VAMP4: variants seen among roughly 807,000 people sequenced by gnomAD.
VAMP4 encodes vesicle-associated membrane protein 4.
VAMP4 carries 19 observed loss-of-function variants against 23.5 expected under a neutral mutation model. The ratio of observed to expected loss-of-function variants is 0.81; its 90% CI spans 0.56 to 1.19. VAMP4 has a LOEUF of 1.19. Ranked by LOEUF, VAMP4 falls within the 50% of genes most tolerant of loss-of-function variation. VAMP4 has a pLI of 0.00. For synonymous variants in VAMP4, 31 were observed against 51.0 expected (o/e 0.61, Z 1.67); for missense variants, 145 against 168.6 (o/e 0.86, Z 0.78).
At chr1:171,740,168 G>C (rs556037703) in intron 1 of VAMP4, among the ~76,000 whole-genome samples, 1 of 152,288 alleles carries the variant, frequency 6.6e-6, no homozygotes, top group Admixed American at 6.5e-5. Flanking sequence ...AAACAGCAGA[G>C]ATACAGGCCT....
intron 2 of VAMP4, among the ~76,000 whole-genome samples, chr1:171,733,195 C>T (rs1047776234): frequency 1.3e-5 from 2 of 150,740 alleles, no homozygotes; most frequent in African/African-American, 2.4e-5. Context: ...TGGTGGCTCA[C>T]GCCTGTAACC....
intron 3 of VAMP4, among the ~76,000 whole-genome samples, chr1:171,720,867 T>C (rs931782277): frequency 6.6e-6 from 1 of 152,044 alleles, no homozygotes; most frequent in Non-Finnish European, 1.5e-5. Context: ...AAGACATAAC[T>C]ATCAACCAAC....
intron 4 of VAMP4, 106 bp downstream of exon 4, chr1:171,719,065 T>C (rs1655105560): frequency 7.4e-6 from 7 of 940,170 alleles, no homozygotes; most frequent in South Asian, 1.7e-5. Flanking sequence ...TAAAACTTTA[T>C]TTACAAAAAC....
intron 4 of VAMP4, among the ~76,000 whole-genome samples, chr1:171,716,272 T>A (rs1558108633): frequency 6.6e-6 from 1 of 152,192 alleles, no homozygotes; most frequent in Non-Finnish European, 1.5e-5. Flanking sequence ...TACAGTGGCA[T>A]TTATAATGCT....
chr1:171,707,071 G>T (rs1654680413), intron 6 of VAMP4, among the ~76,000 whole-genome samples: 1 of 152,036 alleles, frequency 6.6e-6, no homozygotes, highest in African/African-American at 2.4e-5. Context: ...CTAACACTGG[G>T]CAGAAAATGT....
chr1:171,714,199 G>T (rs1654954035), intron 4 of VAMP4, among the ~76,000 whole-genome samples: 1 of 152,056 alleles, frequency 6.6e-6, no homozygotes, highest in Non-Finnish European at 1.5e-5. Flanking sequence ...AAAATGATCT[G>T]CTTATTTACT....
chr1:171,716,286 G>C (rs1007874332), intron 4 of VAMP4, among the ~76,000 whole-genome samples: 2 of 152,058 alleles, frequency 1.3e-5, no homozygotes, highest in Non-Finnish European at 2.9e-5. Context: ...TAATGCTATT[G>C]TTTAATTTAA....
intron 4 of VAMP4, among the ~76,000 whole-genome samples, chr1:171,711,582 C>A (rs1414209187): frequency 6.6e-6 from 1 of 152,072 alleles, no homozygotes; most frequent in African/African-American, 2.4e-5. Flanking sequence ...TAATAACTGT[C>A]CTCAGCTATC....
intron 7 of VAMP4, among the ~76,000 whole-genome samples, chr1:171,705,814 G>C (rs1233551962): frequency 6.6e-6 from 1 of 151,996 alleles, no homozygotes; most frequent in African/African-American, 2.4e-5. Flanking sequence ...TATTTAAAAT[G>C]ATCTGATTTT....
rs11370834 is a variant in VAMP4 at position 171,731,048 on chromosome 1, C to CAAA, written c.67-2481_67-2479dup. 1.9e-3 allele frequency among the ~76,000 whole-genome samples: 273 copies of CAAA among 147,046 alleles called. 3 individuals are homozygous for CAAA. Among genetic ancestry groups the CAAA allele is most frequent in the African/African-American group, 5.6e-3 (220 of 39,526 alleles). On this transcript the variant is annotated intron_variant, in intron 2 of 7. Coordinates refer to ENST00000236192, the MANE Select transcript of VAMP4 (RefSeq NM_003762.5). ...TGAAACTCTGTCTCTACTAAAAATA[C>CAAA]AAAAAAACAAAAAAAGAAGAAGAAG... is the stretch of plus-strand genomic sequence containing the variant.
intron 3 of VAMP4, among the ~76,000 whole-genome samples, chr1:171,722,760 G>A (rs566176809): frequency 3.7e-4 from 57 of 152,232 alleles, no homozygotes; most frequent in African/African-American, 1.3e-3. Context: ...GAAACAACAG[G>A]TGCTGGAGAG....
intron 3 of VAMP4, among the ~76,000 whole-genome samples, chr1:171,725,813 CCT>C (rs1261953222): frequency 4.0e-5 from 6 of 151,874 alleles, no homozygotes; most frequent in Admixed American, 1.3e-4. Flanking sequence ...GCCTTAACCC[CCT>C]GAGTTGCTGG....
At chr1:171,736,425 G>A (rs1655742672) in intron 2 of VAMP4, among the ~76,000 whole-genome samples, 1 of 152,106 alleles carries the variant, frequency 6.6e-6, no homozygotes, top group East Asian at 1.9e-4. Flanking sequence ...TTCCTTGCAT[G>A]GGGAACTAGC....
At chr1:171,716,658 A>T (rs1274738557) in intron 4 of VAMP4, among the ~76,000 whole-genome samples, 1 of 152,238 alleles carries the variant, frequency 6.6e-6, no homozygotes, top group Non-Finnish European at 1.5e-5. Flanking sequence ...TAATCTATGC[A>T]GTAGGAAACA....
At chr1:171,733,009 T>C (rs1395626317) in intron 2 of VAMP4, among the ~76,000 whole-genome samples, 4 of 152,026 alleles carry the variant, frequency 2.6e-5, no homozygotes, top group African/African-American at 9.7e-5. Context: ...TAGAAATAGA[T>C]AATTCCCAAT....
Position 171,707,921 on chromosome 1 carries a change from T to C in VAMP4, c.346-1503A>G, listed in dbSNP as rs191167667. On this transcript the variant is annotated intron_variant, in intron 6 of 7. Coordinates refer to ENST00000236192, the MANE Select transcript of VAMP4 (RefSeq NM_003762.5). ...TTTGTGGATACATGAATAGGGTACA[T>C]GAGTTTGGGAGAGAGAAGGGGTGAG... Among the ~76,000 whole-genome samples the C allele has an allele frequency of 3.9e-5, 6 of 152,222 alleles. No homozygotes were observed. The East Asian group carries it at 1.2e-3, about 29-fold the overall frequency.
chr1:171,734,376 T>C (rs116442269), intron 2 of VAMP4, among the ~76,000 whole-genome samples: 2,284 of 152,092 alleles, frequency 0.015, 52 homozygotes, highest in African/African-American at 0.053. Flanking sequence ...CTATATGTTA[T>C]ATGATTCCAT....
chr1:171,728,329 G>A (rs1450869520), intron 3 of VAMP4, among the ~76,000 whole-genome samples, 195 bp downstream of exon 3: 1 of 152,070 alleles, frequency 6.6e-6, no homozygotes, highest in East Asian at 1.9e-4. Context: ...ATCATCAGAG[G>A]TCAATAGTAC....
chr1:171,704,340 GAAGAT>G lies in VAMP4; in HGVS notation c.*161_*165del. ...AAAAGAACATTTTGTTAGAAAGGGAGAAGATAATTGGACATTCTCAACGTTCCAAT... is the reference window on the plus strand; with the variant it reads ...AAAAGAACATTTTGTTAGAAAGGGAGAATTGGACATTCTCAACGTTCCAAT... On this transcript the variant is annotated 3_prime_UTR_variant, in exon 8 of 8. Transcript: ENST00000236192. 1 of 425,642 alleles carries G rather than the reference GAAGAT, an allele frequency of 2.3e-6. No homozygotes were observed. Among genetic ancestry groups the G allele is most frequent in the East Asian group, 3.7e-5 (1 of 26,882 alleles). The allele number at this position is 425,642 out of a possible 1,614,324, so 26.4% of individuals were successfully genotyped here.
Sources: allele counts gnomAD v4.1 joint callset (sites outside exome capture counted in the v4.1 genomes callset), GRCh38; gene constraint gnomAD v4.1.1; transcripts MANE v1.5; gene names NCBI Gene and HGNC (gene_info 2026-07-23, HGNC 2026-07-21).